The following SMTN variants were observed in gnomAD, a reference collection of about 807,000 sequenced individuals.
SMTN encodes the protein smoothelin.
In SMTN, 58 loss-of-function variants were observed where a neutral mutation model predicts 102.0. The ratio of observed to expected loss-of-function variants is 0.57; its 90% CI spans 0.46 to 0.71. The LOEUF (loss-of-function observed/expected upper bound fraction) is 0.71, where lower values mean the gene tolerates loss of function less well. SMTN is among the 30% of genes least tolerant of loss of function. The pLI, the probability that SMTN is intolerant of heterozygous loss-of-function variation, is 0.00. For synonymous variants in SMTN, 478 were observed against 497.9 expected (o/e 0.96, Z 0.53); for missense variants, 1,185 against 1,241.7 (o/e 0.95, Z 0.69).
rs1185060906 is a variant in SMTN, at chr22:31,099,086, C to G, written c.2358C>G (p.Ala786=). The G allele has an allele frequency of 3.1e-6, 5 of 1,612,746 alleles. No individual in the cohort carries two copies. The highest frequency in any genetic ancestry group is 4.2e-6 in the Non-Finnish European group (5 of 1,179,920). Residue 786 remains alanine (A), a synonymous_variant, in exon 18 of 21, where the codon GCC becomes GCG. Coordinates refer to ENST00000333137, the MANE Select transcript of SMTN (RefSeq NM_134269.3). The part of the protein sequence containing the change: ...AAGSPGGPRA[A]VQRSTSFGVP... ...GCAGCCCTGGCGGACCCCGCGCAGC[C>G]GTGCAGCGATCCACCAGCTTCGGGG...
At position 31,104,502 on chromosome 22, in the gene SMTN, C is replaced by A; in HGVS notation, c.*207C>A. ...CGCATGGCCAGCCAGTGGCAAGCTG[C>A]CGCCCCCACTCTCCGGGCACCGTCT... On this transcript the variant is annotated 3_prime_UTR_variant, in exon 21 of 21. Transcript: ENST00000333137. 6.2e-7 allele frequency: 1 copy of A among 1,604,410 alleles called. No individual in the cohort carries two copies. Among genetic ancestry groups the A allele is most frequent in the Non-Finnish European group, 8.5e-7 (1 of 1,177,336 alleles).
At chr22:31,087,162 G>C (rs1261830668) in intron 2 of SMTN, 3 of 152,260 alleles carry the variant, frequency 2.0e-5, no homozygotes, top group Non-Finnish European at 4.4e-5. Flanking sequence ...GTGGAGGTGT[G>C]GGGGAGGCAA....
chr22:31,070,524 T>A (rs5997863), intron 1 of SMTN, among the ~76,000 whole-genome samples: 34,724 of 151,352 alleles, frequency 0.23, 5,096 homozygotes, highest in African/African-American at 0.43. Flanking sequence ...ACCAACTTAG[T>A]TTTTTGTTCA....
chr22:31,085,537 C>G (rs536628346), intron 2 of SMTN, among the ~76,000 whole-genome samples: 1 of 152,314 alleles, frequency 6.6e-6, no homozygotes, highest in African/African-American at 2.4e-5. Flanking sequence ...GAGCCGGCTC[C>G]CCAGGGGGAG....
chr22:31,097,543 A>C (rs1277534059), intron 16 of SMTN, among the ~76,000 whole-genome samples: 2 of 151,800 alleles, frequency 1.3e-5, no homozygotes. Context: ...ATCTCTACTA[A>C]AAATACAAAA....
intron 11 of SMTN, chr22:31,093,210 C>G: frequency 4.0e-6 from 1 of 250,926 alleles, no homozygotes; most frequent in South Asian, 4.5e-5. Context: ...CCTGGCGATC[C>G]GCCTGCTTGG....
chr22:31,093,040 C>G (rs1292750288), intron 11 of SMTN, among the ~76,000 whole-genome samples: 1 of 152,254 alleles, frequency 6.6e-6, no homozygotes. Flanking sequence ...CAGACTGATT[C>G]TCACAGCTAA....
At chr22:31,098,133 A>C (rs1260151615) in intron 16 of SMTN, among the ~76,000 whole-genome samples, 10 of 152,174 alleles carry the variant, frequency 6.6e-5, no homozygotes, top group Non-Finnish European at 1.2e-4. Context: ...CAGGATGAGA[A>C]CCAAAGGGGT....
intron 20 of SMTN, 43 bp from the exon 21 acceptor site, chr22:31,104,273 C>A (rs765653605): frequency 1.3e-6 from 2 of 1,599,374 alleles, no homozygotes; most frequent in Non-Finnish European, 8.6e-7. Context: ...CCACGAGAGG[C>A]GGGTCTGGCG....
intron 3 of SMTN, 170 bp downstream of exon 3, chr22:31,088,283 T>C (rs1275721814): frequency 3.3e-6 from 3 of 909,212 alleles, no homozygotes; most frequent in Admixed American, 2.9e-5. Flanking sequence ...GCATGGAGCA[T>C]GTACTGATTG....
At chr22:31,092,995 G>A (rs1303855101) in intron 11 of SMTN, among the ~76,000 whole-genome samples, 5 of 152,238 alleles carry the variant, frequency 3.3e-5, no homozygotes, top group Non-Finnish European at 1.5e-5. Flanking sequence ...TGGAGTTAGG[G>A]TAAAGGGTAA....
At chr22:31,065,632 G>T (rs2041829159) in intron 1 of SMTN, 1 of 150,738 alleles carries the variant, frequency 6.6e-6, no homozygotes, top group South Asian at 2.1e-4. Flanking sequence ...TTACAGACGT[G>T]AGCCACCGCG....
chr22:31,067,744 G>C (rs2041892849), intron 1 of SMTN: 1 of 151,926 alleles, frequency 6.6e-6, no homozygotes, highest in African/African-American at 2.4e-5. Flanking sequence ...ATTTTTAGTA[G>C]AGACAGGGTT....
chr22:31,068,074 G>A (rs62236119), intron 1 of SMTN: 5,959 of 152,256 alleles, frequency 0.039, 131 homozygotes, highest in Non-Finnish European at 0.042. Flanking sequence ...GGAGGCCGAG[G>A]CGGGTGGATC....
rs878923438 is a variant in SMTN, at chr22:31,085,172, C to A, written c.51+1863C>A. The A allele has an allele frequency of 3.8e-5, 58 of 1,535,412 alleles. No individual in the cohort carries two copies. The South Asian group carries it at 6.4e-4, about 17-fold the overall frequency. ...CGGTCCCGAGTTCGAGTTCGACCTCCGCCACTCAGCTGGGTGTCCTGGGGA... is the reference window on the plus strand; with the variant it reads ...CGGTCCCGAGTTCGAGTTCGACCTCAGCCACTCAGCTGGGTGTCCTGGGGA... On this transcript the variant is annotated intron_variant, in intron 2 of 20. Transcript: ENST00000333137.
At position 31,091,263 on chromosome 22, in the gene SMTN, G is replaced by A; in HGVS notation, c.1240G>A (p.Glu414Lys). Residue 414 changes from glutamate (E) to lysine (K), a missense_variant, in exon 10 of 21, where the codon GAG (glutamate) becomes AAG (lysine). This residue lies in a region of SMTN where 1,096 missense variants were observed against 1,112.7 expected (regional missense o/e 0.98). Transcript: ENST00000333137. ...LAQLRSCPQE[E>K]GPRGRGLAAR... ...CCAGCTTCGAAGCTGCCCCCAGGAG[G>A]AGGGCCCCAGGGGGCGGGGCTTGGC... 1.2e-6 allele frequency: 2 copies of A among 1,601,784 alleles called. No homozygotes were observed. Among genetic ancestry groups the A allele is most frequent in the Middle Eastern group, 1.7e-4 (1 of 6,048 alleles).
intron 2 of SMTN, chr22:31,085,135 C>A (rs2042587657): frequency 2.0e-6 from 3 of 1,535,452 alleles, no homozygotes; most frequent in South Asian, 2.4e-5. Flanking sequence ...CCCGCCGGGA[C>A]GCCCTCTGCC....
rs1172837718 is a variant in SMTN at position 31,096,028 on chromosome 22, C to T, written c.1861+419C>T. The stretch of plus-strand genomic sequence containing the variant: ...CATCCAGCTTCCCTTTTCCTGGACA[C>T]AACTACTTCCTCCCCCAGATAGTTC... On this transcript the variant is annotated intron_variant, in intron 13 of 20. Coordinates refer to ENST00000333137, the MANE Select transcript of SMTN (RefSeq NM_134269.3). The T allele has an allele frequency of 1.8e-5, 5 of 273,956 alleles. No individual in the cohort carries two copies. The East Asian group carries it at 5.5e-4, about 30-fold the overall frequency. The allele number at this position is 273,956 out of a possible 1,614,324, so 17.0% of individuals were successfully genotyped here. A position where few individuals can be genotyped will look rare whatever the true frequency, so the allele number is the denominator to read the frequency against.
Position 31,091,307 on chromosome 22 carries a change from C to A in SMTN, c.1284C>A (p.Asn428Lys). 1 of 1,602,842 alleles carries A rather than the reference C, an allele frequency of 6.2e-7. No homozygotes were observed. Residue 428 changes from asparagine (N) to lysine (K), a missense_variant, in exon 10 of 21, where the codon AAC becomes AAA. By Grantham distance (94) the Asn-to-Lys change is moderately conservative (BLOSUM62 0). Around this residue, in one of 2 missense-constraint regions of SMTN, gnomAD observed 1,096 missense variants for 1,112.7 expected, o/e 0.98. Coordinates refer to ENST00000333137, the MANE Select transcript of SMTN (RefSeq NM_134269.3). ...GCTTGGCTGCTAGGCCCCTTGAAAACAGAGCAGGGGGGCCTGTGGCACGTT... is the reference window on the plus strand; with the variant it reads ...GCTTGGCTGCTAGGCCCCTTGAAAAAAGAGCAGGGGGGCCTGTGGCACGTT... ...GRGLAARPLE[N>K]RAGGPVARSE...
Sources: allele counts gnomAD v4.1 joint callset (sites outside exome capture counted in the v4.1 genomes callset), GRCh38; gene constraint gnomAD v4.1.1; regional missense constraint gnomAD v4.1.1; transcripts MANE v1.5; gene names NCBI Gene and HGNC (gene_info 2026-07-23, HGNC 2026-07-21).